Variants in EIF4G3 observed in about 807,000 individuals in gnomAD.
The protein encoded by EIF4G3 is eIF-4-gamma 3.
In EIF4G3, 34 loss-of-function variants were observed where a neutral mutation model predicts 186.4. That is an observed-to-expected ratio of 0.18 (90% confidence interval 0.14 to 0.24). EIF4G3 has a LOEUF of 0.24. Among genes scored for constraint, EIF4G3 ranks in the 10% least tolerant of loss-of-function variants. The probability of loss-of-function intolerance (pLI) is 1.00; values close to 1 mark genes in which losing one functional copy is unlikely to be tolerated. For synonymous variants in EIF4G3, 673 were observed against 679.5 expected, an observed-to-expected ratio of 0.99 and a Z score of 0.15; for missense variants, 1,536 against 1,948.5, an observed-to-expected ratio of 0.79 and a Z score of 3.99.
intron 2 of EIF4G3, among the ~76,000 whole-genome samples, chr1:21,108,989 G>T (rs534660315): frequency 6.6e-6 from 1 of 151,800 alleles, no homozygotes; most frequent in South Asian, 2.1e-4. Flanking sequence ...AGGATGAGGC[G>T]GGTGGATCGC....
chr1:20,921,806 T>C (rs1481425347), intron 14 of EIF4G3, among the ~76,000 whole-genome samples: 1 of 152,218 alleles, frequency 6.6e-6, no homozygotes, highest in Non-Finnish European at 1.5e-5. Context: ...CTTCTGCTTT[T>C]CTCATCATGC....
chr1:20,860,666 T>A (rs1020871972), intron 23 of EIF4G3, 149 bp from the exon 24 acceptor site: 1 of 933,298 alleles, frequency 1.1e-6, no homozygotes, highest in South Asian at 1.8e-5. Context: ...GATGACACTA[T>A]GAGCAGTTTA....
In EIF4G3 at chr1:20,864,549, T is replaced by A; in HGVS notation, c.2933A>T (p.Asp978Val). 1 of 1,614,208 alleles carries A rather than the reference T, an allele frequency of 6.2e-7. No homozygotes were observed. Among genetic ancestry groups the A allele is most frequent in the Non-Finnish European group, 8.5e-7 (1 of 1,180,032 alleles). ...ACACAGGCACTCCAGGGATTCTTCA[T>A]CATGGTTCTTTAGCAGCTTCACCAC... ...DCVVKLLKNHDEESLECLCRL... is the reference protein window; with the variant it reads ...DCVVKLLKNHVEESLECLCRL... The change falls in exon 22 of 37, where the codon GAT becomes GTT. Residue 978 changes from aspartate (D) to valine (V), a missense_variant. Physicochemically the swap from Asp to Val is radical, Grantham distance 152. This residue lies in a region of EIF4G3 where 110 missense variants were observed against 166.2 expected (regional missense o/e 0.66). Coordinates refer to ENST00000602326, the MANE Select transcript of EIF4G3 (RefSeq NM_001391906.1).
At chr1:21,030,518 C>T (rs920464988) in intron 4 of EIF4G3, among the ~76,000 whole-genome samples, 7 of 152,156 alleles carry the variant, frequency 4.6e-5, no homozygotes, top group Admixed American at 1.3e-4. Flanking sequence ...GTCCAACAAA[C>T]CTCTTTCTTT....
chr1:21,091,254 C>T (rs2096186552), intron 2 of EIF4G3, among the ~76,000 whole-genome samples: 1 of 152,024 alleles, frequency 6.6e-6, no homozygotes, highest in African/African-American at 2.4e-5. Context: ...AAGCAATTCT[C>T]GTGACTCAGC....
intron 4 of EIF4G3, among the ~76,000 whole-genome samples, chr1:21,019,457 C>T (rs974531113): frequency 6.6e-6 from 1 of 152,158 alleles, no homozygotes; most frequent in Non-Finnish European, 1.5e-5. Flanking sequence ...ATAAAACCAT[C>T]CAACACAGAT....
chr1:20,943,452 A>C (rs997411609), intron 13 of EIF4G3, among the ~76,000 whole-genome samples: 1 of 152,236 alleles, frequency 6.6e-6, no homozygotes, highest in African/African-American at 2.4e-5. Flanking sequence ...ATTTTTATTA[A>C]TAAATTCCAG....
intron 2 of EIF4G3, among the ~76,000 whole-genome samples, chr1:21,165,606 T>C (rs568141058): frequency 6.6e-6 from 1 of 152,164 alleles, no homozygotes; most frequent in East Asian, 1.9e-4. Flanking sequence ...TCCATTTACG[T>C]AAAAAGTTCA....
At chr1:20,889,468 C>A (rs939839984) in intron 18 of EIF4G3, among the ~76,000 whole-genome samples, 2 of 152,284 alleles carry the variant, frequency 1.3e-5, no homozygotes, top group Middle Eastern at 6.8e-3. Context: ...CGCAAAAAGA[C>A]TACTAACACA....
At chr1:21,110,586 C>T (rs1013228925) in intron 2 of EIF4G3, among the ~76,000 whole-genome samples, 2 of 152,154 alleles carry the variant, frequency 1.3e-5, no homozygotes, top group South Asian at 2.1e-4. Context: ...TGAGCCACCA[C>T]GCCTGGCCTA....
chr1:21,071,305 G>A (rs2095433352), intron 3 of EIF4G3, among the ~76,000 whole-genome samples: 1 of 152,104 alleles, frequency 6.6e-6, no homozygotes, highest in Admixed American at 6.5e-5. Flanking sequence ...CCAGCTACTT[G>A]GGAGGCTGAG....
chr1:20,839,177 C>T (rs2067670682), intron 30 of EIF4G3, among the ~76,000 whole-genome samples: 1 of 151,990 alleles, frequency 6.6e-6, no homozygotes, highest in South Asian at 2.1e-4. Context: ...CGGGGTTTCA[C>T]CATGTTAGCC....
At chr1:21,066,763 G>C (rs2095257453) in intron 3 of EIF4G3, among the ~76,000 whole-genome samples, 1 of 152,028 alleles carries the variant, frequency 6.6e-6, no homozygotes, top group Admixed American at 6.6e-5. Context: ...AGATACTAAT[G>C]GTCTTTCTTT....
In EIF4G3 at chr1:21,148,899, T is replaced by C. The variant is rs539996472; in HGVS notation, c.-272+27276A>G. Among the ~76,000 whole-genome samples, 224 of 152,010 alleles carry C rather than the reference T, an allele frequency of 1.5e-3. 1 individual carries two copies. Among genetic ancestry groups the C allele is most frequent in the Middle Eastern group, 6.8e-3 (2 of 292 alleles). On this transcript the variant is annotated intron_variant, in intron 2 of 36. Transcript: ENST00000602326. ...TGGCACAGTCATATATCTAATACTATAAAGCCATTAAAGATGCCTTCAGAA... is the reference window on the plus strand; with the variant it reads ...TGGCACAGTCATATATCTAATACTACAAAGCCATTAAAGATGCCTTCAGAA...
intron 2 of EIF4G3, among the ~76,000 whole-genome samples, chr1:21,117,185 G>A (rs2096839554): frequency 6.6e-6 from 1 of 151,988 alleles, no homozygotes; most frequent in Non-Finnish European, 1.5e-5. Context: ...TGAGGCTAAA[G>A]GCATTTTTGA....
At chr1:21,172,091 T>G (rs1283988392) in intron 2 of EIF4G3, among the ~76,000 whole-genome samples, 2 of 141,382 alleles carry the variant, frequency 1.4e-5, no homozygotes, top group African/African-American at 2.7e-5. Context: ...TGTGTTTGAC[T>G]GTCACTTTCT....
At chr1:21,116,569 G>A (rs144387848) in intron 2 of EIF4G3, among the ~76,000 whole-genome samples, 5 of 152,126 alleles carry the variant, frequency 3.3e-5, no homozygotes, top group South Asian at 2.1e-4. Flanking sequence ...CAGGCGCGGC[G>A]GCTCACACCT....
intron 2 of EIF4G3, among the ~76,000 whole-genome samples, chr1:21,099,138 G>A (rs1012537453): frequency 1.3e-5 from 2 of 152,182 alleles, no homozygotes; most frequent in Non-Finnish European, 2.9e-5. Context: ...ATAAGGATGA[G>A]GAGCAACTGG....
chr1:21,049,301 A>T (rs2094079749), intron 4 of EIF4G3, among the ~76,000 whole-genome samples: 1 of 152,176 alleles, frequency 6.6e-6, no homozygotes, highest in Non-Finnish European at 1.5e-5. Flanking sequence ...AAGGCTCCCT[A>T]TCTGAGCCTC....
Sources: allele counts gnomAD v4.1 joint callset (sites outside exome capture counted in the v4.1 genomes callset), GRCh38; gene constraint gnomAD v4.1.1; regional missense constraint gnomAD v4.1.1; transcripts MANE v1.5; gene names NCBI Gene and HGNC (gene_info 2026-07-23, HGNC 2026-07-21).